Variants in CRY1 observed in about 807,000 individuals in gnomAD.
CRY1 encodes cryptochrome-1.
Under a neutral mutation model 76.0 loss-of-function variants are expected in CRY1, and 45 were observed. That is an observed-to-expected ratio of 0.59 (90% CI 0.47 to 0.76). The LOEUF (loss-of-function observed/expected upper bound fraction) is 0.76. Ranked by LOEUF, CRY1 falls within the 30% of genes least tolerant of loss-of-function variation. CRY1 has a pLI of 0.00. For missense variants in CRY1, 587 were observed against 716.4 expected (o/e 0.82, Z 2.06); for synonymous variants, 248 against 244.0 (o/e 1.02, Z -0.15).
At chr12:107,080,530 G>C (rs1294054071) in intron 1 of CRY1, among the ~76,000 whole-genome samples, 1 of 151,950 alleles carries the variant, frequency 6.6e-6, no homozygotes, top group Admixed American at 6.6e-5. Context: ...TTTAAAGGTT[G>C]AACAGAAAAG....
chr12:107,020,654 C>A (rs1264157448), intron 2 of CRY1, among the ~76,000 whole-genome samples: 1 of 152,028 alleles, frequency 6.6e-6, no homozygotes, highest in Non-Finnish European at 1.5e-5. Flanking sequence ...TTGTAAGTTT[C>A]CTGAGGCCTT....
In CRY1 at chr12:107,035,610, T is replaced by C. The variant is rs555951556; in HGVS notation, c.159-13418A>G. 9.8e-4 allele frequency among the ~76,000 whole-genome samples: 150 copies of C among 152,294 alleles called. 1 individual carries two copies. Among genetic ancestry groups the C allele is most frequent in the African/African-American group, 3.3e-3 (139 of 41,552 alleles). On this transcript the variant is annotated intron_variant, in intron 1 of 12. Transcript: ENST00000008527. The stretch of plus-strand genomic sequence containing the variant: ...GTTAAGTAATTTTCCCAAGGACACT[T>C]GAATAATAAAGTGGCAAAGCCATGA...
chr12:107,022,043 T>A, intron 2 of CRY1, 41 bp downstream of exon 2: 1 of 1,390,830 alleles, frequency 7.2e-7, no homozygotes, highest in African/African-American at 1.4e-5. Context: ...TGTAATATTA[T>A]CTGAGAAAAG....
intron 1 of CRY1, among the ~76,000 whole-genome samples, chr12:107,047,911 T>C (rs942307255): frequency 1.3e-5 from 2 of 150,884 alleles, no homozygotes; most frequent in Admixed American, 6.6e-5. Context: ...CCAATCAAGG[T>C]TGGTGCAAAA....
At chr12:107,080,171 A>G (rs1009614795) in intron 1 of CRY1, among the ~76,000 whole-genome samples, 6 of 152,258 alleles carry the variant, frequency 3.9e-5, no homozygotes, top group African/African-American at 1.2e-4. Context: ...GCACACAGTA[A>G]GGACTCAAAT....
intron 5 of CRY1, among the ~76,000 whole-genome samples, chr12:107,000,356 T>C (rs10861689): frequency 0.14 from 21,298 of 148,746 alleles, 1,797 homozygotes; most frequent in East Asian, 0.28. Context: ...CTCTCTCTCT[T>C]TTTTTTTTTT....
intron 3 of CRY1, among the ~76,000 whole-genome samples, chr12:107,003,580 G>GCAATCACC (rs1952336223): frequency 6.6e-6 from 1 of 152,054 alleles, no homozygotes; most frequent in African/African-American, 2.4e-5. Context: ...CACCATAAAA[G>GCAATCACC]ATATCCTGTT....
chr12:107,078,240 A>C (rs1953281727), intron 1 of CRY1, among the ~76,000 whole-genome samples: 1 of 152,174 alleles, frequency 6.6e-6, no homozygotes, highest in African/African-American at 2.4e-5. Flanking sequence ...AAAGATGCAT[A>C]TCCCTTAATC....
chr12:107,017,263 T>C (rs916841554), intron 2 of CRY1, among the ~76,000 whole-genome samples: 1 of 152,268 alleles, frequency 6.6e-6, no homozygotes, highest in African/African-American at 2.4e-5. Context: ...TCTAGCACAC[T>C]GGCCTTGTTG....
intron 1 of CRY1, among the ~76,000 whole-genome samples, chr12:107,081,019 A>G (rs1444519641): frequency 1.3e-5 from 2 of 152,136 alleles, no homozygotes; most frequent in African/African-American, 4.8e-5. Context: ...AAGAATAAAT[A>G]TAAAAAATGA....
intron 1 of CRY1, among the ~76,000 whole-genome samples, chr12:107,088,902 T>C (rs1175708628): frequency 6.6e-6 from 1 of 152,148 alleles, no homozygotes; most frequent in East Asian, 1.9e-4. Flanking sequence ...ACCTCCCAAC[T>C]CCCTAGCTTC....
intron 2 of CRY1, among the ~76,000 whole-genome samples, chr12:107,016,116 G>C (rs6539297): frequency 0.7 from 106,850 of 152,038 alleles, 38,511 homozygotes; most frequent in East Asian, 0.97. Flanking sequence ...TCGAGACCAG[G>C]CTGGCCAACA....
chr12:107,020,504 G>A (rs1952543408), intron 2 of CRY1, among the ~76,000 whole-genome samples: 1 of 151,226 alleles, frequency 6.6e-6, no homozygotes, highest in Non-Finnish European at 1.5e-5. Flanking sequence ...CTCTGATAGT[G>A]AGTGAGTGCT....
intron 1 of CRY1, among the ~76,000 whole-genome samples, chr12:107,086,795 G>A (rs972277576): frequency 2.0e-5 from 3 of 152,228 alleles, no homozygotes; most frequent in Admixed American, 6.5e-5. Context: ...CCACAGCAGA[G>A]CTCCTACAGA....
At position 107,005,113 on chromosome 12, in the gene CRY1, G is replaced by C. The variant is rs1952356597; in HGVS notation, c.403C>G (p.Leu135Val). Residue 135 changes from leucine to valine, a missense_variant, in exon 3 of 13, where the codon CTA becomes GTA. Coordinates refer to ENST00000008527, the MANE Select transcript of CRY1 (RefSeq NM_004075.5). ...IVRISHTLYD[L>V]DKIIELNGGQ... ...AAAAAAAAAAGGACTCACTTGTCTA[G>C]GTCATATAATGTATGTGAAATTCTT... 2 of 1,607,592 alleles carry C rather than the reference G, an allele frequency of 1.2e-6. No homozygotes were observed. Among genetic ancestry groups the C allele is most frequent in the South Asian group, 2.2e-5 (2 of 89,870 alleles).
chr12:106,999,043 CAAA>C (rs778236677), intron 7 of CRY1, among the ~76,000 whole-genome samples: 1 of 52,664 alleles, frequency 1.9e-5, no homozygotes, highest in African/African-American at 6.2e-5. Context: ...GACTCCGTCT[CAAA>C]AAAAAAAAAA....
intron 1 of CRY1, among the ~76,000 whole-genome samples, chr12:107,029,604 C>T (rs1191802386): frequency 1.1e-5 from 1 of 88,522 alleles, no homozygotes; most frequent in Non-Finnish European, 2.2e-5. Context: ...GAGGTCTTGC[C>T]TCAAAAAAAA....
intron 1 of CRY1, among the ~76,000 whole-genome samples, chr12:107,027,518 C>T (rs1456449034): frequency 6.6e-6 from 1 of 152,094 alleles, no homozygotes; most frequent in Non-Finnish European, 1.5e-5. Flanking sequence ...CATAGAAGCA[C>T]AGTCCTCATA....
chr12:106,992,712 C>T, intron 12 of CRY1, 75 bp downstream of exon 12: 1 of 1,249,788 alleles, frequency 8.0e-7, no homozygotes, highest in Non-Finnish European at 1.1e-6. Context: ...AGATTTGCTC[C>T]ATTTTTGAAA....
Sources: allele counts gnomAD v4.1 joint callset (sites outside exome capture counted in the v4.1 genomes callset), GRCh38; gene constraint gnomAD v4.1.1; transcripts MANE v1.5; gene names NCBI Gene and HGNC (gene_info 2026-07-23, HGNC 2026-07-21).